The following NEDD4L variants were observed in gnomAD, a reference collection of about 807,000 sequenced individuals.
NEDD4L encodes the protein E3 ubiquitin-protein ligase NEDD4-like.
NEDD4L carries 54 observed loss-of-function variants against 148.9 expected under a neutral mutation model. The observed-to-expected ratio is 0.36, with a 90% CI of 0.29 to 0.45. NEDD4L has a LOEUF of 0.45. Among genes scored for constraint, NEDD4L ranks in the 20% least tolerant of loss-of-function variants. NEDD4L has a pLI of 1.00. For synonymous variants in NEDD4L, 433 were observed against 440.7 expected (o/e 0.98, Z 0.22); for missense variants, 856 against 1,233.8 (o/e 0.69, Z 4.59).
intron 1 of NEDD4L, among the ~76,000 whole-genome samples, chr18:58,108,576 A>G (rs2145618879): frequency 6.6e-6 from 1 of 152,164 alleles, no homozygotes; most frequent in East Asian, 1.9e-4. Flanking sequence ...ATCCGCCACC[A>G]CGCCCAGCTA....
chr18:58,136,573 A>G (rs1307740521), intron 1 of NEDD4L, among the ~76,000 whole-genome samples: 1 of 152,200 alleles, frequency 6.6e-6, no homozygotes, highest in Non-Finnish European at 1.5e-5. Context: ...TTCACAAAAG[A>G]AGGACCTCAG....
chr18:58,319,056 A>AC (rs1169696481), intron 6 of NEDD4L, among the ~76,000 whole-genome samples: 1 of 152,002 alleles, frequency 6.6e-6, no homozygotes, highest in Non-Finnish European at 1.5e-5. Context: ...ACATCCTTTT[A>AC]CCCCTTTTGT....
intron 5 of NEDD4L, among the ~76,000 whole-genome samples, chr18:58,292,390 G>A (rs772647550): frequency 1.3e-5 from 2 of 151,974 alleles, no homozygotes; most frequent in Admixed American, 6.6e-5. Context: ...CTACTCTCTG[G>A]GGCTTTCACC....
At chr18:58,121,088 TAA>T (rs2086213145) in intron 1 of NEDD4L, among the ~76,000 whole-genome samples, 1 of 152,326 alleles carries the variant, frequency 6.6e-6, no homozygotes, top group East Asian at 1.9e-4. Flanking sequence ...GTGATCTAAG[TAA>T]AAGTGTCTTC....
At chr18:58,200,738 G>A (rs1052724231) in intron 2 of NEDD4L, among the ~76,000 whole-genome samples, 3 of 152,214 alleles carry the variant, frequency 2.0e-5, no homozygotes, top group African/African-American at 7.2e-5. Flanking sequence ...AAGAACTTGA[G>A]CTGGAATCAA....
At chr18:58,331,680 C>T (rs1470060624) in intron 11 of NEDD4L, among the ~76,000 whole-genome samples, 5 of 152,062 alleles carry the variant, frequency 3.3e-5, no homozygotes, top group Non-Finnish European at 7.4e-5. Flanking sequence ...CTCAGTGTTT[C>T]TCAAGAAACT....
At chr18:58,195,653 A>G in intron 2 of NEDD4L, 1 of 1,351,626 alleles carries the variant, frequency 7.4e-7, no homozygotes, top group South Asian at 1.1e-5. Flanking sequence ...TGCTGTTGTT[A>G]GGGGAAACAG....
At chr18:58,054,087 G>A (rs991048765) in intron 1 of NEDD4L, among the ~76,000 whole-genome samples, 1 of 152,186 alleles carries the variant, frequency 6.6e-6, no homozygotes, top group Non-Finnish European at 1.5e-5. Context: ...ACATGTATAA[G>A]TTCTTTTTTT....
At chr18:58,056,264 C>G (rs1020285116) in intron 1 of NEDD4L, among the ~76,000 whole-genome samples, 1 of 152,242 alleles carries the variant, frequency 6.6e-6, no homozygotes, top group Admixed American at 6.5e-5. Flanking sequence ...CCACTCCTCT[C>G]ACCCCCAAAA....
At chr18:58,172,269 C>T (rs1393605438) in intron 2 of NEDD4L, among the ~76,000 whole-genome samples, 1 of 152,182 alleles carries the variant, frequency 6.6e-6, no homozygotes, top group Non-Finnish European at 1.5e-5. Flanking sequence ...GCCAAAACAG[C>T]AGCAGGAACC....
chr18:58,128,969 A>G (rs2031614019), intron 1 of NEDD4L, among the ~76,000 whole-genome samples: 2 of 152,272 alleles, frequency 1.3e-5, no homozygotes, highest in Non-Finnish European at 2.9e-5. Flanking sequence ...TCACGCATGT[A>G]TAACAGGCAG....
intron 19 of NEDD4L, among the ~76,000 whole-genome samples, chr18:58,362,074 C>T (rs1263568839): frequency 1.3e-5 from 2 of 152,200 alleles, no homozygotes; most frequent in African/African-American, 4.8e-5. Flanking sequence ...TCAGCTTTCA[C>T]GCATCATTCC....
intron 5 of NEDD4L, among the ~76,000 whole-genome samples, chr18:58,303,702 G>C (rs1022019618): frequency 9.2e-5 from 14 of 152,156 alleles, no homozygotes; most frequent in African/African-American, 2.9e-4. Flanking sequence ...AGAGGATAAG[G>C]ATGTAACTTT....
chr18:58,383,700 C>T (rs2048643015), intron 25 of NEDD4L, among the ~76,000 whole-genome samples: 2 of 152,350 alleles, frequency 1.3e-5, no homozygotes, highest in South Asian at 2.1e-4. Context: ...TTTTGTCTCT[C>T]TCCCAACTTC....
chr18:58,115,245 C>CTTTCTTTCTTT (rs566739353), intron 1 of NEDD4L, among the ~76,000 whole-genome samples: 1 of 129,538 alleles, frequency 7.7e-6, no homozygotes, highest in African/African-American at 2.9e-5. Context: ...TTCTTTCTTT[C>CTTTCTTTCTTT]TTTTTTTTTT....
At chr18:58,105,272 G>A (rs2085000060) in intron 1 of NEDD4L, among the ~76,000 whole-genome samples, 1 of 152,288 alleles carries the variant, frequency 6.6e-6, no homozygotes, top group African/African-American at 2.4e-5. Context: ...TGACAATGCT[G>A]TTTCACTTGA....
At position 58,195,345 on chromosome 18, in the gene NEDD4L, C is replaced by T. The variant is rs140598559; in HGVS notation, c.122+29484C>T. ...TGCTTTTTTGTGTCTCTTGAATACA[C>T]GAAGTTCCTCCTATAGTCATTGGCT... On this transcript the variant is annotated intron_variant, in intron 2 of 30. Transcript: ENST00000400345. 8.2e-5 allele frequency: 87 copies of T among 1,055,638 alleles called. No individual in the cohort carries two copies. In the East Asian group the frequency reaches 4.7e-3, roughly 57 times the overall value. The allele number at this position is 1,055,638 out of a possible 1,614,324, so 65.4% of individuals were successfully genotyped here.
intron 21 of NEDD4L, chr18:58,367,325 AGC>A: frequency 1.2e-5 from 2 of 165,336 alleles, no homozygotes; most frequent in Admixed American, 5.9e-5. Flanking sequence ...TTGGGCCCAT[AGC>A]AAACATCTTA....
Position 58,256,477 on chromosome 18 carries a change from G to T in NEDD4L, c.297+4423G>T. On this transcript the variant is annotated intron_variant, in intron 5 of 30. Coordinates refer to ENST00000400345, the MANE Select transcript of NEDD4L (RefSeq NM_001144967.3). The surrounding 1 kb of genome is among the most constrained non-coding windows in gnomAD (Gnocchi z 5.2). ...GGTTGGTGAGGTATCCTCGCATTCGGCTGGAGAGGAGCACCTCGTACCCCA... is the reference window on the plus strand; with the variant it reads ...GGTTGGTGAGGTATCCTCGCATTCGTCTGGAGAGGAGCACCTCGTACCCCA... 8.1e-7 allele frequency: 1 copy of T among 1,232,296 alleles called. No homozygotes were observed. Among genetic ancestry groups the T allele is most frequent in the Non-Finnish European group, 1.0e-6 (1 of 988,060 alleles). The allele number at this position is 1,232,296 out of a possible 1,614,324, so 76.3% of individuals were successfully genotyped here.
Sources: allele counts gnomAD v4.1 joint callset (sites outside exome capture counted in the v4.1 genomes callset), GRCh38; gene constraint gnomAD v4.1.1; non-coding constraint Gnocchi (gnomAD v3.1); transcripts MANE v1.5; gene names NCBI Gene and HGNC (gene_info 2026-07-23, HGNC 2026-07-21).